The following CHST10 variants were observed in gnomAD, a reference collection of about 807,000 sequenced individuals.
CHST10 encodes the protein HNK-1 sulfotransferase.
In CHST10, 24 loss-of-function variants were observed where a neutral mutation model predicts 34.7. That is an observed-to-expected ratio of 0.69 (90% CI 0.50 to 0.97). CHST10 has a LOEUF of 0.97. CHST10 is among the 50% of genes least tolerant of loss of function. The pLI is 0.00. For missense variants in CHST10, 402 were observed against 452.1 expected (o/e 0.89, Z 1.00); for synonymous variants, 161 against 169.3 (o/e 0.95, Z 0.38).
In CHST10 at chr2:100,406,463, G is replaced by A. The variant is rs1230039595; in HGVS notation, c.100+113C>T. 6.6e-6 allele frequency: 9 copies of A among 1,371,132 alleles called. No individual in the cohort carries two copies. In the Admixed American group the frequency reaches 1.4e-4, roughly 21 times the overall value. 84.9% of individuals were successfully genotyped at this position (1,371,132 alleles called of 1,614,324 possible). A position where few individuals can be genotyped will look rare whatever the true frequency, so the allele number is the denominator to read the frequency against. On this transcript the variant is annotated intron_variant, in intron 3 of 6. Coordinates refer to ENST00000264249, the MANE Select transcript of CHST10 (RefSeq NM_004854.5). ...GGCCATGACCTCCAAGGTCCCTGCTGGCATGAAAGTCCTTTGACTCTGTGA... is the reference window on the plus strand; with the variant it reads ...GGCCATGACCTCCAAGGTCCCTGCTAGCATGAAAGTCCTTTGACTCTGTGA...
At chr2:100,394,751 T>C (rs1674973138) in intron 6 of CHST10, among the ~76,000 whole-genome samples, 1 of 148,254 alleles carries the variant, frequency 6.7e-6, no homozygotes, top group Admixed American at 6.7e-5. Context: ...TGAGACAGAG[T>C]CTTGCTCTGT....
In CHST10 at chr2:100,406,649, G is replaced by T. The variant is rs763762924; in HGVS notation, c.27C>A (p.Ala9=). 2 of 1,614,170 alleles carry T rather than the reference G, an allele frequency of 1.2e-6. No individual in the cohort carries two copies. Among genetic ancestry groups the T allele is most frequent in the Admixed American group, 3.3e-5 (2 of 60,018 alleles). MHHQWLLL[A]ACFWVIFMFM... ...ACATGAAAATCACCCAAAAGCATGC[G>T]GCCAGCAGAAGCCACTGGTGGTGCA... The change falls in exon 3 of 7, where the codon GCC becomes GCA. Residue 9 remains alanine, a synonymous_variant. Transcript: ENST00000264249.
chr2:100,400,093 G>A (rs547835379), intron 4 of CHST10, among the ~76,000 whole-genome samples: 49 of 152,304 alleles, frequency 3.2e-4, no homozygotes, highest in African/African-American at 1.2e-3. Flanking sequence ...ATCATGGATG[G>A]CACTCAAGAA....
chr2:100,417,372 A>G lies in CHST10; in HGVS notation c.-104+2T>C, dbSNP rs1045664012. The stretch of plus-strand genomic sequence containing the variant: ...CACCCGCCTGCGCGTCCCCGAGCTC[A>G]CCCTACTGGAGCGGCGCTCGTCCGG... On this transcript the variant is annotated splice_donor_variant, in intron 1 of 6. Coordinates refer to ENST00000264249, the MANE Select transcript of CHST10 (RefSeq NM_004854.5). LOFTEE classifies it low-confidence loss of function (5UTR_SPLICE). 4 of 331,844 alleles carry G rather than the reference A, an allele frequency of 1.2e-5. No individual in the cohort carries two copies. Among genetic ancestry groups the G allele is most frequent in the South Asian group, 4.8e-5 (2 of 41,310 alleles). The allele number at this position is 331,844 out of a possible 1,614,324, so 20.6% of individuals were successfully genotyped here.
chr2:100,393,893 G>T, intron 6 of CHST10, 111 bp from the exon 7 acceptor site: 1 of 803,854 alleles, frequency 1.2e-6, no homozygotes, highest in Non-Finnish European at 2.0e-6. Flanking sequence ...GGACCCTCAC[G>T]TGCCGAGGCT....
chr2:100,393,014 A>G lies in CHST10; in HGVS notation c.*231T>C. ...TCTGAGGTGAGCAAAGGCCAGCGACATCCTAATGCACGCAGGGGTGTGGGC... is the reference window on the plus strand; with the variant it reads ...TCTGAGGTGAGCAAAGGCCAGCGACGTCCTAATGCACGCAGGGGTGTGGGC... On this transcript the variant is annotated 3_prime_UTR_variant, in exon 7 of 7. Coordinates refer to ENST00000264249, the MANE Select transcript of CHST10 (RefSeq NM_004854.5). 1.7e-6 allele frequency: 1 copy of G among 572,330 alleles called. No individual in the cohort carries two copies. The highest frequency in any genetic ancestry group is 2.9e-5 in the East Asian group (1 of 34,210). 35.5% of individuals were successfully genotyped at this position (572,330 alleles called of 1,614,324 possible).
At chr2:100,398,877 AG>A (rs1257093141) in intron 4 of CHST10, among the ~76,000 whole-genome samples, 1 of 152,046 alleles carries the variant, frequency 6.6e-6, no homozygotes, top group Non-Finnish European at 1.5e-5. Flanking sequence ...CATGGGTTGG[AG>A]GGGGCACAGG....
intron 4 of CHST10, among the ~76,000 whole-genome samples, chr2:100,402,298 A>G (rs1675375932): frequency 6.6e-6 from 1 of 152,192 alleles, no homozygotes; most frequent in Non-Finnish European, 1.5e-5. Context: ...GGCAAGGCTC[A>G]TGTTCAGCTG....
intron 2 of CHST10, 122 bp from the exon 3 acceptor site, chr2:100,406,829 CT>C (rs1675601824): frequency 8.7e-7 from 1 of 1,150,832 alleles, no homozygotes; most frequent in Non-Finnish European, 1.2e-6. Context: ...TTTTTTTCCA[CT>C]GCTACAATAG....
In CHST10 at chr2:100,393,482, A is replaced by G; in HGVS notation, c.834T>C (p.Ser278=). Residue 278 remains serine (S), a synonymous_variant, in exon 7 of 7, where the codon AGT becomes AGC. Transcript: ENST00000264249. The stretch of plus-strand genomic sequence containing the variant: ...CCAGGGTCTCGTGGTGTCCAATCAC[A>G]CTGTACATTATCTCACAGGGAGCAC... The part of the protein sequence containing the change: ...ELCAPCEIMY[S]VIGHHETLED... The G allele has an allele frequency of 1.9e-6, 3 of 1,614,100 alleles. No individual in the cohort carries two copies. The highest frequency in any genetic ancestry group is 2.5e-6 in the Non-Finnish European group (3 of 1,180,032).
chr2:100,394,566 G>A (rs1048446821), intron 6 of CHST10, among the ~76,000 whole-genome samples: 2 of 152,218 alleles, frequency 1.3e-5, no homozygotes, highest in Non-Finnish European at 2.9e-5. Context: ...CAGGCGCCAT[G>A]CAAGGCAGGT....
chr2:100,393,734 T>G lies in CHST10; in HGVS notation c.582A>C (p.Arg194Ser). The change falls in exon 7 of 7, where the codon AGA becomes AGC. Residue 194 changes from arginine to serine, a missense_variant. Transcript: ENST00000264249. ...ATTTATCCTTAAATGCAGAAATAAG[T>G]CTTTCGAAGGGATCTCTTACAATAA... ...KFFIVRDPFE[R>S]LISAFKDKFV... The G allele has an allele frequency of 5.0e-6, 8 of 1,613,252 alleles. No homozygotes were observed. Among genetic ancestry groups the G allele is most frequent in the Non-Finnish European group, 6.8e-6 (8 of 1,179,942 alleles).
chr2:100,397,229 G>A (rs1368014571), intron 5 of CHST10, among the ~76,000 whole-genome samples: 1 of 152,194 alleles, frequency 6.6e-6, no homozygotes, highest in Non-Finnish European at 1.5e-5. Context: ...CAGACTAATT[G>A]GAATTTAAAT....
chr2:100,403,386 T>TCTAGTTACAA (rs1184156124), intron 3 of CHST10, among the ~76,000 whole-genome samples: 7 of 152,196 alleles, frequency 4.6e-5, no homozygotes, highest in African/African-American at 1.7e-4. Context: ...TATGAGAAAG[T>TCTAGTTACAA]CTAGTTACAA....
intron 4 of CHST10, among the ~76,000 whole-genome samples, chr2:100,402,109 G>A (rs1177202303): frequency 6.6e-6 from 1 of 152,222 alleles, no homozygotes; most frequent in East Asian, 1.9e-4. Flanking sequence ...GAACTCCATG[G>A]GACTGTGGAG....
chr2:100,415,406 T>C (rs963279019), intron 1 of CHST10, among the ~76,000 whole-genome samples: 4 of 152,224 alleles, frequency 2.6e-5, no homozygotes, highest in Admixed American at 2.6e-4. Context: ...CTGTTTCGTA[T>C]GTTTGAAATA....
chr2:100,412,150 C>T (rs1675870039), intron 2 of CHST10, among the ~76,000 whole-genome samples: 2 of 152,174 alleles, frequency 1.3e-5, no homozygotes, highest in African/African-American at 4.8e-5. Context: ...AAAGCAAATG[C>T]CCACTCAGCC....
Position 100,406,701 on chromosome 2 carries a change from ACT to A in CHST10, c.-28_-27del. On this transcript the variant is annotated 5_prime_UTR_variant, in exon 3 of 7. Transcript: ENST00000264249. ...GTTGTCACACCGCAGCCATTCACTG[ACT>A]CTTCCTGGAAAACACAAGCGAGATG... is the stretch of plus-strand genomic sequence containing the variant. 6.2e-7 allele frequency: 1 copy of A among 1,613,638 alleles called. No homozygotes were observed. Among genetic ancestry groups the A allele is most frequent in the Non-Finnish European group, 8.5e-7 (1 of 1,179,856 alleles).
Position 100,393,116 on chromosome 2 carries a change from A to C in CHST10, c.*129T>G. ...TGCGTCATATGCCGAGGCAACTCAC[A>C]GGCCTGTGGGAGACCCCGGGCGTCC... On this transcript the variant is annotated 3_prime_UTR_variant, in exon 7 of 7. Transcript: ENST00000264249. The C allele has an allele frequency of 1.1e-6, 1 of 942,428 alleles. No homozygotes were observed. The highest frequency in any genetic ancestry group is 1.6e-6 in the Non-Finnish European group (1 of 621,694). 58.4% of individuals were successfully genotyped at this position (942,428 alleles called of 1,614,324 possible).
Sources: allele counts gnomAD v4.1 joint callset (sites outside exome capture counted in the v4.1 genomes callset), GRCh38; gene constraint gnomAD v4.1.1; transcripts MANE v1.5; gene names NCBI Gene and HGNC (gene_info 2026-07-23, HGNC 2026-07-21).